The following PIK3AP1 variants were observed in gnomAD, a reference collection of about 807,000 sequenced individuals.
PIK3AP1 encodes the protein phosphoinositide-3-kinase adaptor protein 1.
In PIK3AP1, 21 loss-of-function variants were observed where a neutral mutation model predicts 88.1. The ratio of observed to expected loss-of-function variants is 0.24; its 90% CI spans 0.17 to 0.34. The LOEUF (loss-of-function observed/expected upper bound fraction) is 0.34. Ranked by LOEUF, PIK3AP1 falls within the 10% of genes least tolerant of loss-of-function variation. The probability of loss-of-function intolerance (pLI) is 1.00; values close to 1 mark genes in which losing one functional copy is unlikely to be tolerated. For synonymous variants in PIK3AP1, 398 were observed against 400.0 expected, an observed-to-expected ratio of 1.00 and a Z score of 0.06; for missense variants, 828 against 1,035.7, an observed-to-expected ratio of 0.80 and a Z score of 2.75.
In PIK3AP1 at chr10:96,656,858, C is replaced by G. The variant is rs1227973829; in HGVS notation, c.507G>C (p.Leu169=). ...KVVSYSKQQN[L]PTVTSPGNLM... ...GGTTCCCAGGTGAAGTCACCGTCGGCAGGTTCTGCTGCTTCGAGTAGGAAA... is the reference window on the plus strand; with the variant it reads ...GGTTCCCAGGTGAAGTCACCGTCGGGAGGTTCTGCTGCTTCGAGTAGGAAA... The change falls in exon 3 of 17, where the codon CTG becomes CTC. Residue 169 remains leucine, a synonymous_variant. Transcript: ENST00000339364. 1 of 1,614,032 alleles carries G rather than the reference C, an allele frequency of 6.2e-7. No homozygotes were observed. Among genetic ancestry groups the G allele is most frequent in the African/African-American group, 1.3e-5 (1 of 74,912 alleles).
intron 2 of PIK3AP1, among the ~76,000 whole-genome samples, chr10:96,704,413 A>T (rs1205853007): frequency 6.6e-6 from 1 of 152,132 alleles, no homozygotes; most frequent in Non-Finnish European, 1.5e-5. Flanking sequence ...ATCACCTGTG[A>T]GCTTGTTAGA....
chr10:96,670,520 G>C (rs1429121051), intron 2 of PIK3AP1, among the ~76,000 whole-genome samples: 1 of 152,094 alleles, frequency 6.6e-6, no homozygotes, highest in Non-Finnish European at 1.5e-5. Context: ...TCTGGCAGAG[G>C]AAAAGCATGA....
chr10:96,641,446 G>A (rs1314317455), intron 8 of PIK3AP1, among the ~76,000 whole-genome samples: 2 of 152,226 alleles, frequency 1.3e-5, no homozygotes, highest in African/African-American at 4.8e-5. Context: ...ATCAGTGAGT[G>A]AGCAAGTGAG....
chr10:96,626,952 G>C, intron 9 of PIK3AP1, 47 bp from the exon 10 acceptor site: 1 of 1,533,026 alleles, frequency 6.5e-7, no homozygotes, highest in Non-Finnish European at 9.0e-7. Flanking sequence ...CAAACAAACT[G>C]GGTGATCATC....
At chr10:96,650,490 G>C (rs906338376) in intron 6 of PIK3AP1, among the ~76,000 whole-genome samples, 4 of 152,190 alleles carry the variant, frequency 2.6e-5, no homozygotes, top group African/African-American at 9.7e-5. Flanking sequence ...ACAACTACTT[G>C]TTTAGAGCCT....
intron 13 of PIK3AP1, among the ~76,000 whole-genome samples, chr10:96,611,939 T>C (rs1159288090): frequency 6.6e-6 from 1 of 152,234 alleles, no homozygotes; most frequent in African/African-American, 2.4e-5. Context: ...AAAATCCTGA[T>C]ATTCTTTGAA....
At chr10:96,624,516 G>A (rs1408366746) in intron 10 of PIK3AP1, among the ~76,000 whole-genome samples, 1 of 152,118 alleles carries the variant, frequency 6.6e-6, no homozygotes, top group Non-Finnish European at 1.5e-5. Flanking sequence ...TTTTATAGAT[G>A]AGGAAACTAA....
In PIK3AP1 at chr10:96,686,620, GC is replaced by G. The variant is rs556330128; in HGVS notation, c.430+22946del. On this transcript the variant is annotated intron_variant, in intron 2 of 16. Coordinates refer to ENST00000339364, the MANE Select transcript of PIK3AP1 (RefSeq NM_152309.3). ...CACAGTATCCACAAGAGCACCCGTA[GC>G]TTTCATGATATTCACCCAGTCAGCC... Among the ~76,000 whole-genome samples the G allele has an allele frequency of 2.7e-3, 415 of 152,262 alleles. 3 individuals carry two copies. The highest frequency in any genetic ancestry group is 4.9e-3 in the Non-Finnish European group (333 of 68,022).
chr10:96,699,279 A>G (rs1189135200), intron 2 of PIK3AP1, among the ~76,000 whole-genome samples: 1 of 152,252 alleles, frequency 6.6e-6, no homozygotes, highest in African/African-American at 2.4e-5. Flanking sequence ...CCAATATGGC[A>G]GTCACTGGCT....
At chr10:96,639,733 C>T (rs1843359248) in intron 8 of PIK3AP1, among the ~76,000 whole-genome samples, 1 of 152,180 alleles carries the variant, frequency 6.6e-6, no homozygotes, top group Non-Finnish European at 1.5e-5. Context: ...GCTCTACTCG[C>T]CAGAATCTTG....
intron 13 of PIK3AP1, among the ~76,000 whole-genome samples, chr10:96,611,774 C>CT (rs1167183163): frequency 6.6e-6 from 1 of 152,058 alleles, no homozygotes. Context: ...CCAAAAATCA[C>CT]TTTTTTAAAA....
At chr10:96,628,885 T>TATAC (rs1564961193) in intron 8 of PIK3AP1, among the ~76,000 whole-genome samples, 14 of 36,796 alleles carry the variant, frequency 3.8e-4, no homozygotes, top group East Asian at 2.6e-3. Flanking sequence ...CATATATATA[T>TATAC]ATACATATAT....
rs1480899711 is a variant in PIK3AP1 at position 96,709,714 on chromosome 10, G to A, written c.283C>T (p.Pro95Ser). 3 of 1,614,114 alleles carry A rather than the reference G, an allele frequency of 1.9e-6. No homozygotes were observed. Among genetic ancestry groups the A allele is most frequent in the East Asian group, 2.2e-5 (1 of 44,892 alleles). Residue 95 changes from proline (P) to serine (S), a missense_variant, in exon 2 of 17, where the codon CCG (proline) becomes TCG (serine). Physicochemically the swap from Pro to Ser is moderately conservative, Grantham distance 74. Transcript: ENST00000339364. Reference protein sequence around the residue: ...LPLLQRAFHPPHRVVRLLCGV... With the variant: ...LPLLQRAFHPSHRVVRLLCGV... ...CAGAGCAGCCTGACCACGCGGTGCG[G>A]AGGATGGAAAGCTCTCTGCAGCAGG...
intron 8 of PIK3AP1, among the ~76,000 whole-genome samples, chr10:96,629,930 A>AAAGAAGAAGAAGAAGAAG (rs61662185): frequency 2.2e-4 from 3 of 13,724 alleles, no homozygotes; most frequent in African/African-American, 5.5e-4. Flanking sequence ...AAAAAAAAAA[A>AAAGAAGAAGAAGAAGAAG]AAGAAGAAGA....
At chr10:96,719,774 C>G (rs1022804015) in intron 1 of PIK3AP1, among the ~76,000 whole-genome samples, 8 of 152,270 alleles carry the variant, frequency 5.3e-5, no homozygotes, top group Admixed American at 5.2e-4. Context: ...ACCCAGTGAC[C>G]GCCAACTCTC....
At chr10:96,706,901 T>A (rs1251512048) in intron 2 of PIK3AP1, among the ~76,000 whole-genome samples, 2 of 152,174 alleles carry the variant, frequency 1.3e-5, no homozygotes, top group African/African-American at 4.8e-5. Context: ...AATCCCCAAA[T>A]TCACAAACCT....
chr10:96,639,609 A>G (rs1047990071), intron 8 of PIK3AP1, among the ~76,000 whole-genome samples: 5 of 152,228 alleles, frequency 3.3e-5, no homozygotes, highest in Non-Finnish European at 5.9e-5. Flanking sequence ...GCAAAAAGCA[A>G]CAGGAAGTCA....
chr10:96,603,735 C>T (rs1021218433), intron 15 of PIK3AP1: 10 of 393,274 alleles, frequency 2.5e-5, no homozygotes, highest in Admixed American at 2.0e-4. Context: ...ATGTTCTGTC[C>T]CTCTAGAGAA....
chr10:96,662,217 A>G (rs1843697334), intron 2 of PIK3AP1, among the ~76,000 whole-genome samples: 1 of 152,272 alleles, frequency 6.6e-6, no homozygotes, highest in Admixed American at 6.5e-5. Context: ...AGGTATGTCC[A>G]TATAATGGAA....
Sources: allele counts gnomAD v4.1 joint callset (sites outside exome capture counted in the v4.1 genomes callset), GRCh38; gene constraint gnomAD v4.1.1; transcripts MANE v1.5; gene names NCBI Gene and HGNC (gene_info 2026-07-23, HGNC 2026-07-21).